The following PUDP variants were observed in gnomAD, a reference collection of about 807,000 sequenced individuals.
PUDP encodes pseudouridine-5'-phosphatase.
PUDP carries 8 observed loss-of-function variants against 9.4 expected under a neutral mutation model. The observed-to-expected ratio is 0.85, with a 90% CI of 0.50 to 1.53. The LOEUF (loss-of-function observed/expected upper bound fraction) is 1.53, where lower values mean the gene tolerates loss of function less well. Ranked by LOEUF, PUDP falls within the 40% of genes most tolerant of loss-of-function variation. The pLI, the probability that PUDP is intolerant of heterozygous loss-of-function variation, is 0.00. For missense variants in PUDP, 188 were observed against 189.7 expected (o/e 0.99, Z 0.05); for synonymous variants, 99 against 80.7 (o/e 1.23, Z -1.22).
chrX:6,724,086 C>A (rs924994664), upstream of PUDP, among the ~76,000 whole-genome samples: 1 of 111,323 alleles, frequency 9.0e-6, no homozygotes, highest in African/African-American at 3.3e-5. Flanking sequence ...AATCTTTTCC[C>A]CTTACATTTT....
intron 3 of PUDP, among the ~76,000 whole-genome samples, chrX:6,895,226 A>AAT (rs35611788): frequency 6.5e-4 from 69 of 106,662 alleles, no homozygotes; most frequent in East Asian, 1.1e-3. Flanking sequence ...GGCTGTATAT[A>AAT]ATATATATAT....
At chrX:6,785,608 A>C (rs1925634042) in intron 3 of PUDP, among the ~76,000 whole-genome samples, 1 of 107,049 alleles carries the variant, frequency 9.3e-6, no homozygotes, top group African/African-American at 3.3e-5. Flanking sequence ...TACTATAAGA[A>C]AAAAAAAAAC....
chrX:6,821,644 G>A (rs1017225678), intron 3 of PUDP, among the ~76,000 whole-genome samples: 1 of 111,639 alleles, frequency 9.0e-6, no homozygotes, highest in Non-Finnish European at 1.9e-5. Context: ...AGGAGTCCTC[G>A]GTAAGGCTTC....
At chrX:6,812,662 C>T (rs1204658647) in intron 3 of PUDP, among the ~76,000 whole-genome samples, 1 of 112,223 alleles carries the variant, frequency 8.9e-6, no homozygotes, top group Non-Finnish European at 1.9e-5. Flanking sequence ...GTTCTGCCAT[C>T]AAGTTTTGAT....
chrX:6,887,788 C>G (rs780594816), intron 3 of PUDP, among the ~76,000 whole-genome samples: 1 of 111,969 alleles, frequency 8.9e-6, no homozygotes, highest in South Asian at 3.8e-4. Context: ...TTCTAAGTAC[C>G]TAGCAACATG....
rs556872347 is a variant in PUDP at position 6,894,324 on chromosome X, G to T, written c.*247+82809C>A. ...TAACTCTCAAAATCCCCAGTAAAGG[G>T]ATGCAGGTATTGTCATACATTTGGA... is the stretch of plus-strand genomic sequence containing the variant. On this transcript the variant is annotated intron_variant and NMD_transcript_variant, in intron 3 of 3. Transcript: ENST00000655425. 8.9e-4 allele frequency among the ~76,000 whole-genome samples: 99 copies of T among 111,759 alleles called. No homozygotes were observed. The South Asian group carries it at 0.012, about 14-fold the overall frequency.
At chrX:7,082,882 G>A (rs1931145226) in intron 2 of PUDP, among the ~76,000 whole-genome samples, 2 of 112,734 alleles carry the variant, frequency 1.8e-5, no homozygotes, top group African/African-American at 6.5e-5. Flanking sequence ...GGGTTGAACG[G>A]TAGCCCCCAA....
intron 3 of PUDP, among the ~76,000 whole-genome samples, chrX:6,869,646 T>G (rs1352371333): frequency 9.0e-6 from 1 of 110,567 alleles, no homozygotes. Context: ...AGTGAGCACA[T>G]GCAAAGATCC....
chrX:6,894,404 CAAAG>C (rs1256872613), intron 3 of PUDP, among the ~76,000 whole-genome samples: 1 of 112,122 alleles, frequency 8.9e-6, no homozygotes, highest in Non-Finnish European at 1.9e-5. Context: ...ACAAATACAG[CAAAG>C]AAACTCATCT....
At chrX:6,797,693 C>T (rs1311028535) in intron 3 of PUDP, among the ~76,000 whole-genome samples, 1 of 112,076 alleles carries the variant, frequency 8.9e-6, no homozygotes, top group Non-Finnish European at 1.9e-5. Context: ...ATGACATCTT[C>T]ACTGCAATCT....
chrX:6,824,929 G>C (rs7061634), intron 3 of PUDP, among the ~76,000 whole-genome samples: 262 of 111,676 alleles, frequency 2.3e-3, no homozygotes, highest in Non-Finnish European at 3.1e-3. Flanking sequence ...GGTGGAAGAC[G>C]GTTTGTTGTT....
At chrX:6,764,984 T>C (rs1328285045) in intron 3 of PUDP, among the ~76,000 whole-genome samples, 2 of 110,689 alleles carry the variant, frequency 1.8e-5, no homozygotes, top group African/African-American at 6.6e-5. Context: ...GCTGAAAATA[T>C]GGGTAGGTGT....
At chrX:6,806,546 C>T (rs1185828551) in intron 3 of PUDP, among the ~76,000 whole-genome samples, 1 of 111,836 alleles carries the variant, frequency 8.9e-6, no homozygotes, top group Non-Finnish European at 1.9e-5. Flanking sequence ...CCAGGCTGGT[C>T]TCCAACTCCT....
At chrX:6,852,330 C>T (rs1250444023) in intron 3 of PUDP, among the ~76,000 whole-genome samples, 6 of 112,326 alleles carry the variant, frequency 5.3e-5, no homozygotes, top group East Asian at 2.8e-4. Context: ...CAAGGCCAAT[C>T]GGGCTGATGC....
chrX:6,750,779 A>G (rs1925060894), intron 3 of PUDP, among the ~76,000 whole-genome samples: 1 of 111,988 alleles, frequency 8.9e-6, no homozygotes, highest in East Asian at 2.8e-4. Context: ...GAAGACCTGA[A>G]GGATATACAA....
chrX:6,951,107 C>T (rs1327791192), intron 3 of PUDP, among the ~76,000 whole-genome samples: 1 of 111,625 alleles, frequency 9.0e-6, no homozygotes, highest in African/African-American at 3.3e-5. Context: ...TCAGCCTCCA[C>T]AACTGCATGA....
chrX:6,807,827 T>G (rs1926077237), intron 3 of PUDP, among the ~76,000 whole-genome samples: 1 of 112,197 alleles, frequency 8.9e-6, no homozygotes, highest in Non-Finnish European at 1.9e-5. Context: ...TCCAGTTGGC[T>G]GAAATCTCCC....
intron 3 of PUDP, among the ~76,000 whole-genome samples, chrX:6,786,070 G>A (rs1300972669): frequency 9.0e-6 from 1 of 111,490 alleles, no homozygotes; most frequent in African/African-American, 3.3e-5. Context: ...TCAATGTGCT[G>A]TTCTCTCTCC....
At chrX:6,823,954 T>C (rs1021986392) in intron 3 of PUDP, among the ~76,000 whole-genome samples, 1 of 112,838 alleles carries the variant, frequency 8.9e-6, no homozygotes, top group South Asian at 3.7e-4. Context: ...GAGGTCACTC[T>C]CATTGCCATC....
Sources: gnomAD v4.1 joint callset for allele counts (sites outside exome capture counted in the v4.1 genomes callset) on GRCh38, gnomAD v4.1.1 for gene constraint, MANE v1.5 for transcripts, NCBI Gene and HGNC (gene_info 2026-07-23, HGNC 2026-07-21) for gene names.